N4BP3: variants seen among roughly 807,000 people sequenced by gnomAD.
N4BP3 encodes the protein NEDD4 binding protein 3.
In N4BP3, 33 loss-of-function variants were observed where a neutral mutation model predicts 43.8. That is an observed-to-expected ratio of 0.75 (90% confidence interval 0.57 to 1.01). N4BP3 has a LOEUF of 1.01. Among genes scored for constraint, N4BP3 ranks in the 50% least tolerant of loss-of-function variants. N4BP3 has a pLI of 0.00. For synonymous variants in N4BP3, 326 were observed against 321.9 expected (o/e 1.01, Z -0.14); for missense variants, 756 against 744.2 (o/e 1.02, Z -0.18).
In N4BP3 at chr5:178,120,603, C is replaced by T. The variant is rs758595014; in HGVS notation, c.756C>T (p.Cys252=). ...CACCACCCCCCTACGAGTTCTCCTG[C>T]TCCTCTGCCGAGGAAATGGGAGCCG... The part of the protein sequence containing the change: ...PEPPPPYEFS[C]SSAEEMGAVL... The change falls in exon 3 of 5, where the codon TGC becomes TGT. Residue 252 remains cysteine, a synonymous_variant. Transcript: ENST00000274605. The T allele has an allele frequency of 5.6e-6, 9 of 1,612,008 alleles. No individual in the cohort carries two copies. The highest frequency in any genetic ancestry group is 5.1e-6 in the Non-Finnish European group (6 of 1,180,002).
rs1402753081 is a variant in N4BP3 at position 178,124,805 on chromosome 5, C to T, written c.*2804C>T. The T allele has an allele frequency of 6.6e-6, 1 of 152,542 alleles. No homozygotes were observed. The highest frequency in any genetic ancestry group is 1.5e-5 in the Non-Finnish European group (1 of 68,304). 9.4% of individuals were successfully genotyped at this position (152,542 alleles called of 1,614,324 possible). On this transcript the variant is annotated 3_prime_UTR_variant, in exon 5 of 5. Transcript: ENST00000274605. ...GAGCCCTCATCCTGCAGGCAGAGCC[C>T]CTCAGTGCTCTGAGAAACCTGCCCT...
chr5:178,118,658 C>A lies in N4BP3; in HGVS notation c.-30-896C>A, dbSNP rs1362515064. Among the ~76,000 whole-genome samples the A allele has an allele frequency of 6.6e-6, 1 of 152,118 alleles. No homozygotes were observed. The highest frequency in any genetic ancestry group is 2.4e-5 in the African/African-American group (1 of 41,428). On this transcript the variant is annotated intron_variant, in intron 1 of 4. Transcript: ENST00000274605. The surrounding 1 kb of genome is among the most constrained non-coding windows in gnomAD (Gnocchi z 5.4). ...GCCCTTCCTGTTTGTATCCCTCCCACTGTAGCCCCCAACCCTCCCCCCCAT... is the reference window on the plus strand; with the variant it reads ...GCCCTTCCTGTTTGTATCCCTCCCAATGTAGCCCCCAACCCTCCCCCCCAT...
intron 1 of N4BP3, among the ~76,000 whole-genome samples, chr5:178,114,108 T>C (rs1757713326): frequency 6.6e-6 from 1 of 152,014 alleles, no homozygotes; most frequent in South Asian, 2.1e-4. Flanking sequence ...GGGGCAGGCG[T>C]CCTTGGCGCC....
rs1458817598 is a variant in N4BP3, at chr5:178,124,950, T to C, written c.*2949T>C. ...GTTGGTTTGCCTGTCTCCTTTGAGC[T>C]GTGGGCATTGCCGGGGTAGGGTGGT... On this transcript the variant is annotated 3_prime_UTR_variant, in exon 5 of 5. Transcript: ENST00000274605. The C allele has an allele frequency of 6.6e-6, 1 of 152,314 alleles. No individual in the cohort carries two copies. Among genetic ancestry groups the C allele is most frequent in the Non-Finnish European group, 1.5e-5 (1 of 68,102 alleles). The allele number at this position is 152,314 out of a possible 1,614,324, so 9.4% of individuals were successfully genotyped here. A position where few individuals can be genotyped will look rare whatever the true frequency, so the allele number is the denominator to read the frequency against.
chr5:178,122,315 G>A lies in N4BP3; in HGVS notation c.*314G>A, dbSNP rs1470457778. 2 of 314,484 alleles carry A rather than the reference G, an allele frequency of 6.4e-6. No homozygotes were observed. Among genetic ancestry groups the A allele is most frequent in the African/African-American group, 2.1e-5 (1 of 47,012 alleles). 19.5% of individuals were successfully genotyped at this position (314,484 alleles called of 1,614,324 possible). On this transcript the variant is annotated 3_prime_UTR_variant, in exon 5 of 5. Transcript: ENST00000274605. ...CGAAGGGCAGGTCAGAGGGAGAGAGGCTGGAGACCTGGGCTGGGGCCTTCC... is the reference window on the plus strand; with the variant it reads ...CGAAGGGCAGGTCAGAGGGAGAGAGACTGGAGACCTGGGCTGGGGCCTTCC...
At position 178,118,324 on chromosome 5, in the gene N4BP3, G is replaced by T. The variant is rs1185444255; in HGVS notation, c.-30-1230G>T. Among the ~76,000 whole-genome samples the T allele has an allele frequency of 6.6e-6, 1 of 152,204 alleles. No homozygotes were observed. The highest frequency in any genetic ancestry group is 1.5e-5 in the Non-Finnish European group (1 of 68,038). On this transcript the variant is annotated intron_variant, in intron 1 of 4. Transcript: ENST00000274605. This position sits in a 1 kb window ranked among gnomAD's most constrained non-coding sequence, Gnocchi z 5.4. ...GGCTGTGGCCCAGGCCCTGAACTGG[G>T]TGCTCTGTCATGTTATCCCACCCCA...
chr5:178,119,593 G>GC lies in N4BP3; in HGVS notation c.14dup (p.Gly6ArgfsTer22). On this transcript the variant is annotated frameshift_variant, in exon 2 of 5. Coordinates refer to ENST00000274605, the MANE Select transcript of N4BP3 (RefSeq NM_015111.2). LOFTEE classifies it high-confidence loss of function. The stretch of plus-strand genomic sequence containing the variant: ...ACCCTGTTGAAACTTCATGGCCACA[G>GC]CCCCAGGCCCTGCTGGCATTGCCAT... 2 of 1,542,088 alleles carry GC rather than the reference G, an allele frequency of 1.3e-6. No individual in the cohort carries two copies. The highest frequency in any genetic ancestry group is 1.7e-6 in the Non-Finnish European group (2 of 1,145,094).
chr5:178,117,223 C>T (rs1390899140), intron 1 of N4BP3, among the ~76,000 whole-genome samples: 2 of 152,136 alleles, frequency 1.3e-5, no homozygotes, highest in African/African-American at 4.8e-5. Context: ...CTCTGCTGTC[C>T]CCTCCCCAAG....
chr5:178,119,672 G>A lies in N4BP3; in HGVS notation c.89G>A (p.Arg30Gln), dbSNP rs561957088. The A allele has an allele frequency of 5.6e-6, 9 of 1,609,806 alleles. No individual in the cohort carries two copies. The highest frequency in any genetic ancestry group is 4.5e-5 in the East Asian group (2 of 44,830). ...ERQDFSPEEL[R>Q]AALAGSRGSR... ...CAGGACTTCTCCCCTGAAGAGCTGCGGGCGGCACTTGCCGGGTCTCGGGGC... is the reference window on the plus strand; with the variant it reads ...CAGGACTTCTCCCCTGAAGAGCTGCAGGCGGCACTTGCCGGGTCTCGGGGC... Residue 30 changes from arginine (R) to glutamine (Q), a missense_variant, in exon 2 of 5, where the codon CGG becomes CAG. Transcript: ENST00000274605.
At position 178,121,345 on chromosome 5, in the gene N4BP3, G is replaced by A. The variant is rs747113970; in HGVS notation, c.1100G>A (p.Arg367Gln). The A allele has an allele frequency of 5.6e-6, 9 of 1,601,136 alleles. No individual in the cohort carries two copies. The East Asian group carries it at 1.1e-4, about 20-fold the overall frequency. ...AGTGCACGACCAGAGGAGGAAGCCCGATGGGAGGTGAGAGATGACACAGGG... is the reference window on the plus strand; with the variant it reads ...AGTGCACGACCAGAGGAGGAAGCCCAATGGGAGGTGAGAGATGACACAGGG... ...DPSARPEEEA[R>Q]WEVCQKTAEI... The change falls in exon 4 of 5, where the codon CGA (arginine) becomes CAA (glutamine). Residue 367 changes from arginine (R) to glutamine (Q), a missense_variant. Arg to Gln is a conservative substitution (Grantham distance 43). Transcript: ENST00000274605.
intron 1 of N4BP3, among the ~76,000 whole-genome samples, chr5:178,117,574 G>A (rs1466196178): frequency 1.4e-5 from 2 of 139,676 alleles, no homozygotes; most frequent in Non-Finnish European, 3.0e-5. Flanking sequence ...TTGCACTACT[G>A]TAGTCCAGCC....
Position 178,122,315 on chromosome 5 carries a change from G to C in N4BP3, c.*314G>C. 3.2e-6 allele frequency: 1 copy of C among 314,602 alleles called. No homozygotes were observed. Among genetic ancestry groups the C allele is most frequent in the Non-Finnish European group, 5.9e-6 (1 of 169,370 alleles). The allele number at this position is 314,602 out of a possible 1,614,324, so 19.5% of individuals were successfully genotyped here. A position where few individuals can be genotyped will look rare whatever the true frequency, so the allele number is the denominator to read the frequency against. ...CGAAGGGCAGGTCAGAGGGAGAGAG[G>C]CTGGAGACCTGGGCTGGGGCCTTCC... On this transcript the variant is annotated 3_prime_UTR_variant, in exon 5 of 5. Transcript: ENST00000274605.
rs1369863853 is a variant in N4BP3 at position 178,120,440 on chromosome 5, G to A, written c.593G>A (p.Gly198Asp). Reference sequence around the variant, plus strand: ...GACTCCTCCAGTGGGGGTAGTTTTGGTCGCAGTCCTGGTACTGGCCCTAGC... The same window carrying A: ...GACTCCTCCAGTGGGGGTAGTTTTGATCGCAGTCCTGGTACTGGCCCTAGC... Reference protein sequence around the residue: ...LSDSSSGGSFGRSPGTGPSPF... With the variant: ...LSDSSSGGSFDRSPGTGPSPF... Residue 198 changes from glycine (G) to aspartate (D), a missense_variant, in exon 3 of 5, where the codon GGT (glycine) becomes GAT (aspartate). Coordinates refer to ENST00000274605, the MANE Select transcript of N4BP3 (RefSeq NM_015111.2). The A allele has an allele frequency of 6.2e-6, 10 of 1,612,906 alleles. No individual in the cohort carries two copies. In the South Asian group the frequency reaches 9.9e-5, roughly 16 times the overall value.
At chr5:178,114,508 C>A (rs1581086931) in intron 1 of N4BP3, among the ~76,000 whole-genome samples, 1 of 152,172 alleles carries the variant, frequency 6.6e-6, no homozygotes, top group African/African-American at 2.4e-5. Context: ...AAATCAGGGC[C>A]CTGGCTGTAT....
chr5:178,126,900 C>G (rs1488621155), downstream of N4BP3, among the ~76,000 whole-genome samples: 1 of 152,194 alleles, frequency 6.6e-6, no homozygotes, highest in Non-Finnish European at 1.5e-5. Flanking sequence ...CACCTCCTCC[C>G]AGAAACCTCA....
rs1373679932 is a variant in N4BP3 at position 178,118,623 on chromosome 5, C to T, written c.-30-931C>T. ...GTGGCCATTGTTCACGTCATCCTTC[C>T]TCCTTTTGGGCCCTTCCTGTTTGTA... On this transcript the variant is annotated intron_variant, in intron 1 of 4. Transcript: ENST00000274605. The surrounding 1 kb of genome is among the most constrained non-coding windows in gnomAD (Gnocchi z 5.4). 6.6e-6 allele frequency among the ~76,000 whole-genome samples: 1 copy of T among 152,214 alleles called. No individual in the cohort carries two copies. The highest frequency in any genetic ancestry group is 1.5e-5 in the Non-Finnish European group (1 of 68,034).
In N4BP3 at chr5:178,121,937, AACTGCGGGC is replaced by A; in HGVS notation, c.1580_1588del (p.Ala527_Arg529del). 5.6e-6 allele frequency: 9 copies of A among 1,612,124 alleles called. No homozygotes were observed. The highest frequency in any genetic ancestry group is 7.6e-6 in the Non-Finnish European group (9 of 1,179,758). The stretch of plus-strand genomic sequence containing the variant: ...CGCCGCAACCAGGCACTGGAGCAGG[AACTGCGGGC>A]ACTGCGGGAGCCCCCCACACCCTGG... On this transcript the variant is annotated inframe_deletion, in exon 5 of 5. Transcript: ENST00000274605.
In N4BP3 at chr5:178,123,661, G is replaced by A. The variant is rs1331463040; in HGVS notation, c.*1660G>A. The A allele has an allele frequency of 6.5e-6, 1 of 152,904 alleles. No individual in the cohort carries two copies. The highest frequency in any genetic ancestry group is 1.5e-5 in the Non-Finnish European group (1 of 68,194). The allele number at this position is 152,904 out of a possible 1,614,324, so 9.5% of individuals were successfully genotyped here. ...GCACTGTCTGCTGTGGGGATGGTGT[G>A]TTTATGGCCATGTAAGTGGCAGGTG... is the stretch of plus-strand genomic sequence containing the variant. On this transcript the variant is annotated 3_prime_UTR_variant, in exon 5 of 5. Coordinates refer to ENST00000274605, the MANE Select transcript of N4BP3 (RefSeq NM_015111.2).
At chr5:178,114,938 A>G (rs543905371) in intron 1 of N4BP3, among the ~76,000 whole-genome samples, 1 of 152,148 alleles carries the variant, frequency 6.6e-6, no homozygotes, top group Non-Finnish European at 1.5e-5. Context: ...CAATACATAC[A>G]CAGCAGTGTG....
Sources: allele counts gnomAD v4.1 joint callset (sites outside exome capture counted in the v4.1 genomes callset), GRCh38; gene constraint gnomAD v4.1.1; non-coding constraint Gnocchi (gnomAD v3.1); transcripts MANE v1.5; gene names NCBI Gene and HGNC (gene_info 2026-07-23, HGNC 2026-07-21).